Variants in NEBL observed in about 807,000 individuals in gnomAD.
The protein encoded by NEBL is nebulette, also known as LIM and SH3 protein 2.
NEBL carries 122 observed loss-of-function variants against 140.2 expected under a neutral mutation model. That is an observed-to-expected ratio of 0.87 (90% CI 0.75 to 1.01). The LOEUF (loss-of-function observed/expected upper bound fraction) is 1.01, where lower values mean the gene tolerates loss of function less well. Among genes scored for constraint, NEBL ranks in the 50% least tolerant of loss-of-function variants. The probability of loss-of-function intolerance (pLI) is 0.00; values close to 1 mark genes in which losing one functional copy is unlikely to be tolerated. For missense variants in NEBL, 1,365 were observed against 1,231.3 expected, an observed-to-expected ratio of 1.11 and a Z score of -1.62; for synonymous variants, 436 against 398.9, an observed-to-expected ratio of 1.09 and a Z score of -1.11.
intron 3 of NEBL, among the ~76,000 whole-genome samples, chr10:21,187,507 A>G (rs1016912022): frequency 3.3e-5 from 5 of 149,988 alleles, no homozygotes; most frequent in African/African-American, 1.2e-4. Context: ...TACTATTATT[A>G]TTTATTATTA....
chr10:21,038,365 T>C (rs2986672), intron 2 of NEBL, among the ~76,000 whole-genome samples: 91,078 of 151,170 alleles, frequency 0.6, 27,482 homozygotes, highest in East Asian at 0.72. Context: ...TCCCCTTTAC[T>C]GCCAGCCCCT....
At chr10:21,184,465 C>T (rs1457832111) in intron 3 of NEBL, among the ~76,000 whole-genome samples, 1 of 152,160 alleles carries the variant, frequency 6.6e-6, no homozygotes, top group African/African-American at 2.4e-5. Context: ...ACAATGTGCT[C>T]ATCAGCAGTA....
At chr10:21,058,931 G>A (rs890101663) in intron 2 of NEBL, among the ~76,000 whole-genome samples, 1 of 152,170 alleles carries the variant, frequency 6.6e-6, no homozygotes, top group East Asian at 1.9e-4. Context: ...GCAGGTCAAA[G>A]GTTCTAAGCC....
At chr10:20,955,037 A>T (rs1236609923) in intron 4 of NEBL, among the ~76,000 whole-genome samples, 1 of 152,258 alleles carries the variant, frequency 6.6e-6, no homozygotes, top group Non-Finnish European at 1.5e-5. Context: ...AGGATGTGAC[A>T]TGATCAGATG....
chr10:20,925,211 A>T (rs1346369735), intron 4 of NEBL, among the ~76,000 whole-genome samples: 1 of 152,160 alleles, frequency 6.6e-6, no homozygotes, highest in Non-Finnish European at 1.5e-5. Context: ...TGCATGTATC[A>T]TCTTTCAAAT....
chr10:21,110,757 T>C (rs1837965651), intron 2 of NEBL: 2 of 512,808 alleles, frequency 3.9e-6, no homozygotes, highest in Non-Finnish European at 7.7e-6. Flanking sequence ...TTAAAGTGGA[T>C]ACTGATGAAA....
intron 2 of NEBL, among the ~76,000 whole-genome samples, chr10:21,093,198 A>G (rs889595865): frequency 1.7e-4 from 23 of 138,392 alleles, no homozygotes; most frequent in Admixed American, 3.0e-4. Flanking sequence ...AGATTCTTCA[A>G]GATATGGTAT....
intron 2 of NEBL, among the ~76,000 whole-genome samples, chr10:21,098,424 CA>C (rs2131983685): frequency 6.6e-6 from 1 of 152,242 alleles, no homozygotes; most frequent in South Asian, 2.1e-4. Flanking sequence ...AATATGGTAC[CA>C]AATGCAGACT....
At chr10:20,827,909 CA>C (rs1314530893) in intron 17 of NEBL, among the ~76,000 whole-genome samples, 3 of 151,960 alleles carry the variant, frequency 2.0e-5, no homozygotes, top group African/African-American at 7.3e-5. Flanking sequence ...ACAACACACA[CA>C]GGGGCCTATC....
chr10:21,004,068 C>T (rs954908773), intron 3 of NEBL, among the ~76,000 whole-genome samples: 9 of 152,070 alleles, frequency 5.9e-5, no homozygotes, highest in South Asian at 2.1e-4. Flanking sequence ...TTTTCTTATA[C>T]GCATACACAT....
chr10:21,182,052 G>A (rs570751499), intron 3 of NEBL, among the ~76,000 whole-genome samples: 1 of 152,184 alleles, frequency 6.6e-6, no homozygotes, highest in East Asian at 1.9e-4. Context: ...AGAATATTAA[G>A]GGAAACTCAA....
intron 3 of NEBL, among the ~76,000 whole-genome samples, chr10:21,181,354 G>C (rs964568629): frequency 2.0e-5 from 3 of 149,104 alleles, no homozygotes; most frequent in Admixed American, 6.7e-5. Context: ...AAAATAAACA[G>C]AGATGAAAAA....
chr10:21,096,488 AGTGTGTGTGTGTGTGTGTGTGT>A (rs10541564), intron 2 of NEBL, among the ~76,000 whole-genome samples: 1 of 141,482 alleles, frequency 7.1e-6, no homozygotes, highest in Non-Finnish European at 1.6e-5. Flanking sequence ...CTTGGTTTTG[AGTGTGTGTGTGTGTGTGTGTGT>A]GTGTGTGTGT....
At chr10:21,133,628 C>G (rs895194538) in intron 2 of NEBL, among the ~76,000 whole-genome samples, 6 of 152,198 alleles carry the variant, frequency 3.9e-5, no homozygotes. Flanking sequence ...GCACTCAGAA[C>G]AGCATATGGC....
intron 2 of NEBL, chr10:21,029,820 G>T (rs1314364150): frequency 1.3e-5 from 9 of 709,272 alleles, no homozygotes; most frequent in Admixed American, 4.1e-5. Flanking sequence ...TATCATTCCT[G>T]GATAGGCAGT....
intron 13 of NEBL, 80 bp from the exon 14 acceptor site, chr10:20,835,703 ATAGT>A (rs1840822263): frequency 2.0e-5 from 19 of 949,788 alleles, no homozygotes; most frequent in Admixed American, 1.4e-4. Flanking sequence ...TAAAAAAAAA[ATAGT>A]TAGACATATT....
At chr10:20,807,666 AT>A (rs74965982) in intron 26 of NEBL, among the ~76,000 whole-genome samples, 11,704 of 152,188 alleles carry the variant, frequency 0.077, 887 homozygotes, top group African/African-American at 0.18. Flanking sequence ...CAACCTCAAA[AT>A]TTCCTACCTT....
chr10:21,264,772 TG>T (rs964663212), intron 1 of NEBL, among the ~76,000 whole-genome samples: 2 of 111,206 alleles, frequency 1.8e-5, no homozygotes, highest in African/African-American at 7.2e-5. Flanking sequence ...ACAACAGAAA[TG>T]TATTGCTCAC....
intron 2 of NEBL, among the ~76,000 whole-genome samples, chr10:21,090,330 C>G (rs1836850076): frequency 6.6e-6 from 1 of 152,180 alleles, no homozygotes; most frequent in African/African-American, 2.4e-5. Context: ...AATCGCCAAT[C>G]AAAATATTTG....
Sources: gnomAD v4.1 joint callset for allele counts (sites outside exome capture counted in the v4.1 genomes callset) on GRCh38, gnomAD v4.1.1 for gene constraint, MANE v1.5 for transcripts, NCBI Gene and HGNC (gene_info 2026-07-23, HGNC 2026-07-21) for gene names.